The following ITGB5 variants were observed in gnomAD, a reference collection of about 807,000 sequenced individuals.
ITGB5 encodes the protein integrin subunit beta 5, also known as integrin beta-5.
Under a neutral mutation model 84.8 loss-of-function variants are expected in ITGB5, and 38 were observed. The ratio of observed to expected loss-of-function variants is 0.45; its 90% CI spans 0.35 to 0.59. The LOEUF (loss-of-function observed/expected upper bound fraction) is 0.59, where lower values mean the gene tolerates loss of function less well. ITGB5 is among the 20% of genes least tolerant of loss of function. The probability of loss-of-function intolerance (pLI) is 0.01; values close to 1 mark genes in which losing one functional copy is unlikely to be tolerated. For missense variants in ITGB5, 905 were observed against 1,034.5 expected (o/e 0.87, Z 1.72); for synonymous variants, 393 against 414.4 (o/e 0.95, Z 0.63).
chr3:124,848,428 G>A lies in ITGB5; in HGVS notation c.492C>T (p.Leu164=), dbSNP rs751877985. Residue 164 remains leucine (L), a synonymous_variant, in exon 4 of 15, where the codon CTC becomes CTT. Transcript: ENST00000296181. ...TGGTGAGCTTCCTCATCTCCTCCGC[G>A]AGTTTGGTGCCCAGGCTCCGGATAT... ...LDNIRSLGTK[L]AEEMRKLTSN... 23 of 1,613,980 alleles carry A rather than the reference G, an allele frequency of 1.4e-5. No individual in the cohort carries two copies. The highest frequency in any genetic ancestry group is 2.2e-5 in the East Asian group (1 of 44,884).
chr3:124,813,718 G>T (rs768534787), intron 8 of ITGB5, among the ~76,000 whole-genome samples: 35 of 152,172 alleles, frequency 2.3e-4, no homozygotes, highest in Non-Finnish European at 4.9e-4. Flanking sequence ...CACTCTCCAG[G>T]AACCTGTCCC....
intron 14 of ITGB5, among the ~76,000 whole-genome samples, chr3:124,763,940 G>A (rs901833523): frequency 2.6e-5 from 4 of 152,196 alleles, no homozygotes; most frequent in Non-Finnish European, 5.9e-5. Flanking sequence ...AGGAGGAGTT[G>A]GGTCAGAAGG....
intron 5 of ITGB5, among the ~76,000 whole-genome samples, chr3:124,829,145 T>C (rs149993930): frequency 1.5e-3 from 235 of 152,304 alleles, no homozygotes; most frequent in African/African-American, 5.3e-3. Flanking sequence ...TTAATAGAAT[T>C]ATGGGTGATG....
chr3:124,843,387 G>A (rs538047278), intron 4 of ITGB5, among the ~76,000 whole-genome samples: 7 of 152,220 alleles, frequency 4.6e-5, no homozygotes, highest in South Asian at 4.1e-4. Context: ...GGTTGGTTGC[G>A]GACAGGGAGA....
upstream of ITGB5, chr3:124,887,713 G>A (rs2107657473): frequency 2.2e-6 from 1 of 452,848 alleles, no homozygotes; most frequent in Non-Finnish European, 4.5e-6. Flanking sequence ...AGATTACTTG[G>A]GCCAAAGGCG....
At chr3:124,857,138 C>T (rs889016022) in intron 3 of ITGB5, 4 of 152,200 alleles carry the variant, frequency 2.6e-5, no homozygotes, top group Non-Finnish European at 5.9e-5. Context: ...CATTTCTCAA[C>T]TATATGATGA....
chr3:124,825,051 G>T (rs1327992095), intron 5 of ITGB5, among the ~76,000 whole-genome samples: 1 of 152,090 alleles, frequency 6.6e-6, no homozygotes, highest in African/African-American at 2.4e-5. Flanking sequence ...CAAAAAATTA[G>T]CTGGGCGTGG....
At chr3:124,769,232 G>A in intron 11 of ITGB5, 119 bp from the exon 12 acceptor site, 2 of 723,058 alleles carry the variant, frequency 2.8e-6, no homozygotes, top group Admixed American at 2.5e-5. Context: ...AGCTGCAGAT[G>A]TTCAGCCTCA....
At chr3:124,867,730 C>T (rs551570344) in intron 2 of ITGB5, among the ~76,000 whole-genome samples, 2 of 152,294 alleles carry the variant, frequency 1.3e-5, no homozygotes, top group South Asian at 2.1e-4. Flanking sequence ...TGAAAGCATC[C>T]GCACACTCTC....
At chr3:124,873,578 T>C in intron 1 of ITGB5, 47 bp from the exon 2 acceptor site, 1 of 1,383,570 alleles carries the variant, frequency 7.2e-7, no homozygotes, top group Non-Finnish European at 1.0e-6. Context: ...GGCTATAAAC[T>C]TCATGGATCA....
At chr3:124,857,490 AG>A (rs1458641355) in intron 3 of ITGB5, among the ~76,000 whole-genome samples, 2 of 152,184 alleles carry the variant, frequency 1.3e-5, no homozygotes, top group Non-Finnish European at 2.9e-5. Flanking sequence ...AACCCAAGAG[AG>A]CCAGCCAGAT....
chr3:124,857,776 T>C (rs767821273), intron 3 of ITGB5, among the ~76,000 whole-genome samples: 18 of 152,128 alleles, frequency 1.2e-4, no homozygotes, highest in Non-Finnish European at 2.4e-4. Flanking sequence ...TACCAAGACC[T>C]GGGGCTGAAT....
Position 124,887,042 on chromosome 3 carries a change from C to T in ITGB5, c.-42G>A, listed in dbSNP as rs1413751271. On this transcript the variant is annotated 5_prime_UTR_variant, in exon 1 of 15. Coordinates refer to ENST00000296181, the MANE Select transcript of ITGB5 (RefSeq NM_002213.5). ...CAGCGGCGGCGCGGTCGCTGCACTC[C>T]GCGGGGGCCGGCGGCCGGGGCTGGG... 1.4e-5 allele frequency: 14 copies of T among 1,001,464 alleles called. No individual in the cohort carries two copies. Among genetic ancestry groups the T allele is most frequent in the African/African-American group, 1.7e-5 (1 of 57,470 alleles). 62.0% of individuals were successfully genotyped at this position (1,001,464 alleles called of 1,614,324 possible).
intron 1 of ITGB5, among the ~76,000 whole-genome samples, chr3:124,894,876 G>A (rs1277678605): frequency 6.6e-6 from 1 of 152,010 alleles, no homozygotes; most frequent in Non-Finnish European, 1.5e-5. Context: ...AGAAGTCTTG[G>A]GCCACACATA....
rs893363378 is a variant in ITGB5 at position 124,762,497 on chromosome 3, T to C, written c.*1126A>G. 1 of 152,214 alleles carries C rather than the reference T, an allele frequency of 6.6e-6. No individual in the cohort carries two copies. Among genetic ancestry groups the C allele is most frequent in the African/African-American group, 2.4e-5 (1 of 41,454 alleles). The allele number at this position is 152,214 out of a possible 1,614,324, so 9.4% of individuals were successfully genotyped here. Reference sequence around the variant, plus strand: ...CTTAGATATGGGAACTTAAGGGGACTTCATGGCCCTGCGGGAAAAAAGCTC... The same window carrying C: ...CTTAGATATGGGAACTTAAGGGGACCTCATGGCCCTGCGGGAAAAAAGCTC... On this transcript the variant is annotated 3_prime_UTR_variant, in exon 15 of 15. Coordinates refer to ENST00000296181, the MANE Select transcript of ITGB5 (RefSeq NM_002213.5).
intron 9 of ITGB5, among the ~76,000 whole-genome samples, chr3:124,802,716 C>T (rs1270425396): frequency 6.6e-6 from 1 of 152,258 alleles, no homozygotes; most frequent in Non-Finnish European, 1.5e-5. Context: ...CCCCGATGGC[C>T]TCCAAGGCCC....
intron 2 of ITGB5, among the ~76,000 whole-genome samples, chr3:124,863,642 C>T (rs1025741629): frequency 3.9e-5 from 6 of 152,168 alleles, no homozygotes; most frequent in East Asian, 3.9e-4. Flanking sequence ...CCTTAGCCTC[C>T]GGAGTAGCTG....
chr3:124,797,685 G>A (rs1005096875), intron 9 of ITGB5, among the ~76,000 whole-genome samples: 1 of 152,094 alleles, frequency 6.6e-6, no homozygotes, highest in Non-Finnish European at 1.5e-5. Context: ...ATGAGGCTTG[G>A]TCTGATTCAG....
intron 4 of ITGB5, among the ~76,000 whole-genome samples, chr3:124,843,330 G>T (rs1196704610): frequency 1.3e-5 from 2 of 152,120 alleles, no homozygotes; most frequent in Non-Finnish European, 2.9e-5. Context: ...TGTGGCTCTG[G>T]CCCATGATTT....
Sources: allele counts gnomAD v4.1 joint callset (sites outside exome capture counted in the v4.1 genomes callset), GRCh38; gene constraint gnomAD v4.1.1; transcripts MANE v1.5; gene names NCBI Gene and HGNC (gene_info 2026-07-23, HGNC 2026-07-21).